Variants in PIWIL3 observed in about 807,000 individuals in gnomAD.
PIWIL3 encodes piwi like RNA-mediated gene silencing 3, also known as piwi-like protein 3.
Under a neutral mutation model 109.7 loss-of-function variants are expected in PIWIL3, and 101 were observed. The observed-to-expected ratio is 0.92, with a 90% CI of 0.78 to 1.09. The LOEUF (loss-of-function observed/expected upper bound fraction) is 1.09. Among genes scored for constraint, PIWIL3 ranks in the 50% least tolerant of loss-of-function variants. The pLI, the probability that PIWIL3 is intolerant of heterozygous loss-of-function variation, is 0.00. For missense variants in PIWIL3, 1,031 were observed against 1,072.6 expected, an observed-to-expected ratio of 0.96 and a Z score of 0.54; for synonymous variants, 373 against 376.4, an observed-to-expected ratio of 0.99 and a Z score of 0.10.
chr22:24,736,244 GT>G lies in PIWIL3; in HGVS notation c.1450-353del, dbSNP rs551591365. Among the ~76,000 whole-genome samples, 642 of 152,244 alleles carry G rather than the reference GT, an allele frequency of 4.2e-3. 3 individuals are homozygous for G. Among genetic ancestry groups the G allele is most frequent in the African/African-American group, 0.015 (613 of 41,542 alleles). ...GTCCTTCCACTCTAATAGATCAAATGTATTTTGTCCTATTTTGCATCGGCCT... is the reference window on the plus strand; with the variant it reads ...GTCCTTCCACTCTAATAGATCAAATGATTTTGTCCTATTTTGCATCGGCCT... On this transcript the variant is annotated intron_variant, in intron 12 of 20. Coordinates refer to ENST00000616349, the MANE Select transcript of PIWIL3 (RefSeq NM_001255975.1).
chr22:24,734,659 T>C (rs1194016499), intron 13 of PIWIL3, among the ~76,000 whole-genome samples: 3 of 152,094 alleles, frequency 2.0e-5, no homozygotes, highest in African/African-American at 7.2e-5. Context: ...TTGAGAGTTT[T>C]ACCTCTAGGA....
intron 1 of PIWIL3, among the ~76,000 whole-genome samples, chr22:24,773,858 G>A (rs1926273313): frequency 6.6e-6 from 1 of 151,706 alleles, no homozygotes; most frequent in African/African-American, 2.4e-5. Flanking sequence ...GGGACTACAG[G>A]CACCCGCCAC....
chr22:24,760,085 C>G (rs1389413090), intron 2 of PIWIL3, 96 bp from the exon 3 acceptor site: 2 of 1,481,896 alleles, frequency 1.3e-6, no homozygotes, highest in East Asian at 2.3e-5. Context: ...AAGGAACTTC[C>G]TCTGAAAAGC....
In PIWIL3 at chr22:24,724,914, G is replaced by T; in HGVS notation, c.2204C>A (p.Thr735Asn). Residue 735 changes from threonine to asparagine, a missense_variant, in exon 18 of 21, where the codon ACC becomes AAC. Physicochemically the swap from Thr to Asn is moderately conservative, Grantham distance 65. Transcript: ENST00000616349. ...LLDHEAKKMS[T>N]YLKTISPNNF... Reference sequence around the variant, plus strand: ...GTTAGGAGAGATGGTTTTTAAGTAGGTCGACATCTTTTTCGCTTCATGGTC... The same window carrying T: ...GTTAGGAGAGATGGTTTTTAAGTAGTTCGACATCTTTTTCGCTTCATGGTC... 1 of 1,613,994 alleles carries T rather than the reference G, an allele frequency of 6.2e-7. No homozygotes were observed. The highest frequency in any genetic ancestry group is 8.5e-7 in the Non-Finnish European group (1 of 1,179,958).
chr22:24,745,937 T>C (rs1230459964), intron 12 of PIWIL3, among the ~76,000 whole-genome samples: 1 of 151,924 alleles, frequency 6.6e-6, no homozygotes, highest in Non-Finnish European at 1.5e-5. Flanking sequence ...AACAGACCAA[T>C]AACAAGTAAT....
In PIWIL3 at chr22:24,739,222, A is replaced by G. The variant is rs9624576; in HGVS notation, c.1450-3330T>C. ...CCTACAAAATCTAGAAAATAGCCTCAAAAGGGAAAATCAAAGAGTTACTGT... is the reference window on the plus strand; with the variant it reads ...CCTACAAAATCTAGAAAATAGCCTCGAAAGGGAAAATCAAAGAGTTACTGT... On this transcript the variant is annotated intron_variant, in intron 12 of 20. Transcript: ENST00000616349. Among the ~76,000 whole-genome samples, 925 of 152,264 alleles carry G rather than the reference A, an allele frequency of 6.1e-3. 8 individuals carry two copies. Among genetic ancestry groups the G allele is most frequent in the African/African-American group, 0.021 (853 of 41,556 alleles).
chr22:24,729,788 A>G (rs1476408800), intron 14 of PIWIL3, among the ~76,000 whole-genome samples: 6 of 152,210 alleles, frequency 3.9e-5, no homozygotes, highest in African/African-American at 1.4e-4. Flanking sequence ...TATTTGTCCC[A>G]TAGTTCAGAC....
intron 14 of PIWIL3, among the ~76,000 whole-genome samples, chr22:24,730,638 T>C (rs1569098274): frequency 6.6e-6 from 1 of 152,140 alleles, no homozygotes; most frequent in Non-Finnish European, 1.5e-5. Flanking sequence ...ATTTTTCCAA[T>C]TCTTCCTGTA....
chr22:24,729,357 C>T (rs561647403), intron 14 of PIWIL3, among the ~76,000 whole-genome samples: 21 of 152,224 alleles, frequency 1.4e-4, no homozygotes, highest in Admixed American at 2.0e-4. Flanking sequence ...GACGACGAGA[C>T]GGTTTCATTG....
At chr22:24,765,339 A>G (rs1272230588) in intron 1 of PIWIL3, among the ~76,000 whole-genome samples, 1 of 152,172 alleles carries the variant, frequency 6.6e-6, no homozygotes, top group East Asian at 1.9e-4. Context: ...GTAGAACAAA[A>G]AAACCAGCGC....
At chr22:24,759,757 T>TC in intron 3 of PIWIL3, 112 bp downstream of exon 3, 1 of 1,482,462 alleles carries the variant, frequency 6.7e-7, no homozygotes, top group Non-Finnish European at 9.2e-7. Flanking sequence ...ACACTTCCCA[T>TC]CCCACCAAAC....
At position 24,760,004 on chromosome 22, in the gene PIWIL3, A is replaced by C; in HGVS notation, c.103-15T>G. Reference sequence around the variant, plus strand: ...GGCTCCTGGGTCTGCATGTTTTTGGAAATAGAAATAATGAGCAGTGCCCTA... The same window carrying C: ...GGCTCCTGGGTCTGCATGTTTTTGGCAATAGAAATAATGAGCAGTGCCCTA... On this transcript the variant is annotated splice_polypyrimidine_tract_variant and intron_variant, in intron 2 of 20. Coordinates refer to ENST00000616349, the MANE Select transcript of PIWIL3 (RefSeq NM_001255975.1). 2 of 1,613,528 alleles carry C rather than the reference A, an allele frequency of 1.2e-6. No individual in the cohort carries two copies. The highest frequency in any genetic ancestry group is 1.7e-6 in the Non-Finnish European group (2 of 1,179,954).
chr22:24,720,259 GTTTTTTTTTTTTTT>G (rs56087060), intron 19 of PIWIL3, among the ~76,000 whole-genome samples: 31 of 105,526 alleles, frequency 2.9e-4, no homozygotes, highest in East Asian at 1.5e-3. Flanking sequence ...TATTTAAACT[GTTTTTTTTTTTTTT>G]TTTTTTTTTT....
intron 2 of PIWIL3, among the ~76,000 whole-genome samples, chr22:24,761,485 T>C (rs532489722): frequency 2.0e-5 from 3 of 152,230 alleles, no homozygotes; most frequent in African/African-American, 7.2e-5. Flanking sequence ...AGGGAAGGTT[T>C]CTTGATGAAT....
At chr22:24,755,012 T>G (rs964416006) in intron 6 of PIWIL3, 148 bp from the exon 7 acceptor site, 1 of 646,026 alleles carries the variant, frequency 1.5e-6, no homozygotes, top group African/African-American at 1.8e-5. Context: ...CATGATGAGG[T>G]GGATATTAAG....
At chr22:24,748,643 T>A (rs1379817311) in intron 12 of PIWIL3, among the ~76,000 whole-genome samples, 2 of 151,470 alleles carry the variant, frequency 1.3e-5, no homozygotes, top group African/African-American at 4.8e-5. Context: ...ACTTGACTCT[T>A]AAGGATATAT....
chr22:24,731,101 G>A (rs1390989352), intron 14 of PIWIL3, among the ~76,000 whole-genome samples: 1 of 151,976 alleles, frequency 6.6e-6, no homozygotes, highest in Non-Finnish European at 1.5e-5. Context: ...GGGCCTCACA[G>A]CATGACAAAA....
Position 24,756,557 on chromosome 22 carries a change from CCTT to C in PIWIL3, c.501_503del (p.Arg168del). 1.9e-6 allele frequency: 3 copies of C among 1,614,102 alleles called. No homozygotes were observed. Among genetic ancestry groups the C allele is most frequent in the Non-Finnish European group, 2.5e-6 (3 of 1,179,990 alleles). On this transcript the variant is annotated inframe_deletion, in exon 5 of 21. Transcript: ENST00000616349. ...CAAATATATGGCGCTCTCCAAATTT[CCTT>C]CTATGTTGATCAAGTAAAATTGTAC...
At chr22:24,743,227 G>C (rs766123938) in intron 12 of PIWIL3, among the ~76,000 whole-genome samples, 1 of 152,098 alleles carries the variant, frequency 6.6e-6, no homozygotes, top group Non-Finnish European at 1.5e-5. Flanking sequence ...GGCAAGAAGG[G>C]AACACTTTTA....
Sources: allele counts gnomAD v4.1 joint callset (sites outside exome capture counted in the v4.1 genomes callset), GRCh38; gene constraint gnomAD v4.1.1; transcripts MANE v1.5; gene names NCBI Gene and HGNC (gene_info 2026-07-23, HGNC 2026-07-21).